Variants in DNAH6 observed in about 807,000 individuals in gnomAD.
DNAH6 encodes the protein dynein axonemal heavy chain 6.
A neutral mutation model predicts 491.4 loss-of-function variants in DNAH6; 340 were observed. That is an observed-to-expected ratio of 0.69 (90% CI 0.63 to 0.76). The LOEUF is 0.76. Among genes scored for constraint, DNAH6 ranks in the 30% least tolerant of loss-of-function variants. The pLI, the probability that DNAH6 is intolerant of heterozygous loss-of-function variation, is 0.00. For synonymous variants in DNAH6, 1,603 were observed against 1,686.1 expected (o/e 0.95, Z 1.21); for missense variants, 4,443 against 4,972.2 (o/e 0.89, Z 3.20).
At chr2:84,748,189 G>A (rs1011117889) in intron 63 of DNAH6, among the ~76,000 whole-genome samples, 7 of 151,396 alleles carry the variant, frequency 4.6e-5, no homozygotes, top group Non-Finnish European at 8.9e-5. Context: ...TGTTCTGCAG[G>A]CCTCTTAGAA....
intron 64 of DNAH6, among the ~76,000 whole-genome samples, chr2:84,766,012 A>G (rs542458027): frequency 6.6e-6 from 1 of 152,252 alleles, no homozygotes; most frequent in Admixed American, 6.5e-5. Flanking sequence ...ATCCACAAAG[A>G]AGAGACACCA....
the DNAH6 span, among the ~76,000 whole-genome samples, chr2:84,463,251 G>C: frequency 8.1e-4 from 123 of 152,326 alleles, no homozygotes; most frequent in African/African-American, 2.8e-3. Context: ...TAAAAGAAGA[G>C]GGGGAGACAG....
the DNAH6 span, among the ~76,000 whole-genome samples, chr2:84,509,516 G>C: frequency 6.6e-6 from 1 of 152,186 alleles, no homozygotes; most frequent in Non-Finnish European, 1.5e-5. Flanking sequence ...GATGGGTCTT[G>C]ACTCTTTATC....
chr2:84,701,407 A>C, intron 49 of DNAH6, 68 bp downstream of exon 49: 3 of 1,447,840 alleles, frequency 2.1e-6, no homozygotes, highest in Non-Finnish European at 2.8e-6. Context: ...ATGCATGGAA[A>C]CTCTATGCAC....
At chr2:84,511,773 A>G (rs76922069), upstream of DNAH6, among the ~76,000 whole-genome samples, 3,259 of 152,132 alleles carry the variant, frequency 0.021, 122 homozygotes, top group African/African-American at 0.075. Context: ...TATTGAGTTG[A>G]TCATGCTGTC....
chr2:84,691,924 A>G (rs554259908), intron 45 of DNAH6, among the ~76,000 whole-genome samples: 8 of 152,380 alleles, frequency 5.3e-5, no homozygotes, highest in African/African-American at 1.4e-4. Context: ...TTACCAAGGC[A>G]CTCAAGATGT....
At chr2:84,680,736 A>G (rs1372776585) in intron 41 of DNAH6, among the ~76,000 whole-genome samples, 2 of 152,194 alleles carry the variant, frequency 1.3e-5, no homozygotes, top group Non-Finnish European at 2.9e-5. Flanking sequence ...GGAGAAGTCC[A>G]GATAAAAAAG....
At chr2:84,676,900 A>G (rs1693277679) in intron 40 of DNAH6, 105 bp from the exon 41 acceptor site, 1 of 1,323,790 alleles carries the variant, frequency 7.6e-7, no homozygotes, top group East Asian at 2.5e-5. Flanking sequence ...CATGCACAAA[A>G]AAAAATGTAA....
chr2:84,755,576 A>G (rs1268115941), intron 63 of DNAH6, among the ~76,000 whole-genome samples: 1 of 152,170 alleles, frequency 6.6e-6, no homozygotes, highest in Non-Finnish European at 1.5e-5. Context: ...TGTATATACA[A>G]AATCATGTCA....
chr2:84,757,972 G>C (rs1303614218), intron 63 of DNAH6, among the ~76,000 whole-genome samples: 1 of 152,066 alleles, frequency 6.6e-6, no homozygotes, highest in African/African-American at 2.4e-5. Flanking sequence ...ATATGTATTG[G>C]GTGACTAGAG....
chr2:84,725,843 C>G (rs1304084600), intron 60 of DNAH6, among the ~76,000 whole-genome samples: 2 of 152,216 alleles, frequency 1.3e-5, no homozygotes, highest in East Asian at 3.8e-4. Context: ...CATATTATCA[C>G]ATATTCACTG....
chr2:84,621,572 AC>A, intron 26 of DNAH6, 21 bp downstream of exon 26: 2 of 1,437,880 alleles, frequency 1.4e-6, no homozygotes, highest in Non-Finnish European at 1.9e-6. Flanking sequence ...TAACAAAGTG[AC>A]ATTGTTGTCC....
chr2:84,573,773 A>T (rs1397172796), intron 12 of DNAH6, among the ~76,000 whole-genome samples, 186 bp downstream of exon 12: 2 of 152,102 alleles, frequency 1.3e-5, no homozygotes, highest in African/African-American at 4.8e-5. Flanking sequence ...CTTTCTCCTT[A>T]TTCAGTATTA....
Position 84,621,528 on chromosome 2 carries a change from A to C in DNAH6, c.4048A>C (p.Asn1350His). 2 of 1,521,242 alleles carry C rather than the reference A, an allele frequency of 1.3e-6. No homozygotes were observed. Among genetic ancestry groups the C allele is most frequent in the Non-Finnish European group, 1.8e-6 (2 of 1,123,372 alleles). The allele number at this position is 1,521,242 out of a possible 1,614,324, so 94.2% of individuals were successfully genotyped here. ...EHSNHIQALK[N>H]FEKVNFERLN... ...CAGTAATCATATACAGGCCCTGAAG[A>C]ATTTTGAAAAAGTAAATTTTGAGGT... The change falls in exon 26 of 77, where the codon AAT (asparagine) becomes CAT (histidine). Residue 1350 changes from asparagine to histidine, a missense_variant. This residue lies in a region of DNAH6 where 2,977 missense variants were observed against 3,296.6 expected (regional missense o/e 0.90). Transcript: ENST00000389394.
chr2:84,576,047 C>G (rs1237355168), intron 12 of DNAH6, among the ~76,000 whole-genome samples: 2 of 152,124 alleles, frequency 1.3e-5, no homozygotes, highest in African/African-American at 4.8e-5. Flanking sequence ...TTCATTGGCA[C>G]TGTTCTGAGG....
At chr2:84,543,214 G>A (rs1678440608) in intron 4 of DNAH6, among the ~76,000 whole-genome samples, 2 of 152,046 alleles carry the variant, frequency 1.3e-5, no homozygotes, top group African/African-American at 4.8e-5. Flanking sequence ...AAAGGACCAT[G>A]GACTCCAGGT....
chr2:84,741,125 G>A (rs1192318), intron 62 of DNAH6, among the ~76,000 whole-genome samples: 5,532 of 152,070 alleles, frequency 0.036, 151 homozygotes, highest in South Asian at 0.066. Context: ...ATAGCAGCTC[G>A]TAGCAAGGCA....
rs568105223 is a variant in DNAH6, at chr2:84,815,376, G to GA, written c.12151-469dup. 3.5e-3 allele frequency among the ~76,000 whole-genome samples: 440 copies of GA among 126,280 alleles called. 1 individual carries two copies. Among genetic ancestry groups the GA allele is most frequent in the Middle Eastern group, 8.9e-3 (2 of 224 alleles). The allele number at this position is 126,280 out of a possible 152,430, so 82.8% of individuals were successfully genotyped here. A position where few individuals can be genotyped will look rare whatever the true frequency, so the allele number is the denominator to read the frequency against. On this transcript the variant is annotated intron_variant, in intron 75 of 76. Coordinates refer to ENST00000389394, the MANE Select transcript of DNAH6 (RefSeq NM_001370.2). Reference sequence around the variant, plus strand: ...AGGATGACTCAGATGCCCACAATTGGAAAAAAAAAAAAAAAAGTGTGCACC... The same window carrying GA: ...AGGATGACTCAGATGCCCACAATTGGAAAAAAAAAAAAAAAAAGTGTGCACC...
At chr2:84,777,731 A>G in intron 64 of DNAH6, 1 of 838,476 alleles carries the variant, frequency 1.2e-6, no homozygotes, top group East Asian at 2.4e-5. Context: ...TTCCCCCATC[A>G]GGTAACGGAA....
Sources: allele counts gnomAD v4.1 joint callset (sites outside exome capture counted in the v4.1 genomes callset), GRCh38; gene constraint gnomAD v4.1.1; regional missense constraint gnomAD v4.1.1; transcripts MANE v1.5; gene names NCBI Gene and HGNC (gene_info 2026-07-23, HGNC 2026-07-21).